FGD3: variants seen among roughly 807,000 people sequenced by gnomAD.
The protein encoded by FGD3 is FYVE, RhoGEF and PH domain containing 3, also known as FYVE, RhoGEF and PH domain-containing protein 3.
Under a neutral mutation model 71.8 loss-of-function variants are expected in FGD3, and 45 were observed. That is an observed-to-expected ratio of 0.63 (90% CI 0.49 to 0.80). The LOEUF is 0.80. Ranked by LOEUF, FGD3 falls within the 30% of genes least tolerant of loss-of-function variation. The pLI is 0.00. For missense variants in FGD3, 844 were observed against 951.5 expected, an observed-to-expected ratio of 0.89 and a Z score of 1.49; for synonymous variants, 378 against 392.8, an observed-to-expected ratio of 0.96 and a Z score of 0.44.
At chr9:92,993,087 T>G (rs796520581) in intron 3 of FGD3, among the ~76,000 whole-genome samples, 21 of 152,262 alleles carry the variant, frequency 1.4e-4, no homozygotes, top group African/African-American at 5.1e-4. Context: ...TTTCTTGGGA[T>G]GAGGGGAGGA....
intron 1 of FGD3, among the ~76,000 whole-genome samples, chr9:92,959,840 C>T (rs778696807): frequency 6.6e-6 from 1 of 151,472 alleles, no homozygotes; most frequent in Non-Finnish European, 1.5e-5. Flanking sequence ...GTCCTTGTGT[C>T]CCCATGCCCC....
chr9:92,962,476 AGCCAAGACTCCAGG>A (rs1859186476), intron 1 of FGD3, among the ~76,000 whole-genome samples: 1 of 152,206 alleles, frequency 6.6e-6, no homozygotes, highest in Non-Finnish European at 1.5e-5. Flanking sequence ...AGGGGGCAGG[AGCCAAGACTCCAGG>A]GCCCCGGCAT....
chr9:93,032,690 C>T, intron 15 of FGD3, 79 bp from the exon 16 acceptor site: 1 of 1,181,484 alleles, frequency 8.5e-7, no homozygotes. Flanking sequence ...ACCTCCCGCC[C>T]ACTCTACCTC....
intron 1 of FGD3, among the ~76,000 whole-genome samples, chr9:92,963,244 C>T (rs75384874): frequency 0.045 from 6,865 of 152,254 alleles, 240 homozygotes; most frequent in East Asian, 0.15. Flanking sequence ...AGGGCACCTG[C>T]GGCAGCACCT....
chr9:93,029,537 C>A (rs891281727), intron 14 of FGD3, among the ~76,000 whole-genome samples: 8 of 152,248 alleles, frequency 5.3e-5, no homozygotes, highest in Admixed American at 3.3e-4. Flanking sequence ...GCCCACTGCC[C>A]ACCCTAGTAA....
At chr9:92,979,624 G>A (rs1859908260) in intron 3 of FGD3, among the ~76,000 whole-genome samples, 2 of 152,140 alleles carry the variant, frequency 1.3e-5, no homozygotes, top group Admixed American at 1.3e-4. Flanking sequence ...CTTATTGAAT[G>A]AGCTGGAAGT....
intron 14 of FGD3, among the ~76,000 whole-genome samples, chr9:93,024,265 A>C (rs1278980276): frequency 6.6e-6 from 1 of 152,256 alleles, no homozygotes; most frequent in Non-Finnish European, 1.5e-5. Context: ...AGCTGCCCAC[A>C]GTGGACACAC....
chr9:93,027,603 T>C (rs996258565), intron 14 of FGD3, among the ~76,000 whole-genome samples: 1 of 152,156 alleles, frequency 6.6e-6, no homozygotes, highest in African/African-American at 2.4e-5. Flanking sequence ...ACATACGAAT[T>C]TGGGGGGACA....
intron 1 of FGD3, among the ~76,000 whole-genome samples, chr9:92,972,726 C>T (rs1859582223): frequency 6.6e-6 from 1 of 152,110 alleles, no homozygotes; most frequent in African/African-American, 2.4e-5. Flanking sequence ...ACTCTGATCA[C>T]ACATGTATTA....
chr9:92,964,526 T>A (rs1014951025), intron 1 of FGD3, among the ~76,000 whole-genome samples: 1 of 152,188 alleles, frequency 6.6e-6, no homozygotes, highest in Admixed American at 6.5e-5. Context: ...TGTTCTGTTG[T>A]CTTTCTCTGG....
intron 3 of FGD3, among the ~76,000 whole-genome samples, chr9:92,985,397 G>A (rs1319476949): frequency 6.6e-6 from 1 of 152,222 alleles, no homozygotes; most frequent in Non-Finnish European, 1.5e-5. Flanking sequence ...TTCTGAGGCT[G>A]ACTTTTGTTA....
chr9:93,034,988 C>T (rs952539840), intron 17 of FGD3, among the ~76,000 whole-genome samples: 8 of 152,286 alleles, frequency 5.3e-5, no homozygotes, highest in East Asian at 1.9e-4. Flanking sequence ...AGCCCTGGCC[C>T]GGCCCCTTGG....
intron 3 of FGD3, among the ~76,000 whole-genome samples, chr9:92,987,020 A>C (rs372444887): frequency 4.0e-4 from 61 of 152,370 alleles, no homozygotes; most frequent in African/African-American, 1.3e-3. Context: ...GAAAACAAAG[A>C]GGCAGACTTG....
At chr9:92,971,745 TG>T (rs1287399441) in intron 1 of FGD3, among the ~76,000 whole-genome samples, 3 of 151,282 alleles carry the variant, frequency 2.0e-5, no homozygotes, top group Non-Finnish European at 4.4e-5. Context: ...CTGGCTAGGG[TG>T]GGATTTTTCT....
intron 11 of FGD3, 113 bp from the exon 12 acceptor site, chr9:93,019,718 C>T: frequency 9.8e-7 from 1 of 1,017,498 alleles, no homozygotes; most frequent in Non-Finnish European, 1.5e-6. Context: ...AATCCTTGAG[C>T]TGCGTTGACA....
chr9:93,000,090 T>A (rs1860807407), intron 3 of FGD3, among the ~76,000 whole-genome samples: 1 of 152,098 alleles, frequency 6.6e-6, no homozygotes, highest in African/African-American at 2.4e-5. Flanking sequence ...TCTTTCTCAT[T>A]TCCTTTTTTA....
intron 3 of FGD3, among the ~76,000 whole-genome samples, chr9:92,992,790 G>T (rs926457744): frequency 6.6e-6 from 1 of 152,204 alleles, no homozygotes; most frequent in Admixed American, 6.5e-5. Context: ...GGGGGGTGGG[G>T]TGTGTACACT....
rs896175004 is a variant in FGD3, at chr9:93,022,328, T to C, written c.1496T>C (p.Ile499Thr). 4.3e-6 allele frequency: 7 copies of C among 1,611,340 alleles called. No homozygotes were observed. The African/African-American group carries it at 9.3e-5, about 22-fold the overall frequency. The change falls in exon 14 of 18, where the codon ATC becomes ACC. Residue 499 changes from isoleucine to threonine, a missense_variant and splice_region_variant. Physicochemically the swap from Ile to Thr is moderately conservative, Grantham distance 89 (BLOSUM62 -1). Transcript: ENST00000375482. ...ACTCGGCCTCTGTGTCCCTTCTAGATCACGAGCACCAGCCCTGTGGAGCCT... is the reference window on the plus strand; with the variant it reads ...ACTCGGCCTCTGTGTCCCTTCTAGACCACGAGCACCAGCCCTGTGGAGCCT... ...EDPSLSPDMP[I>T]TSTSPVEPVV...
At chr9:92,987,886 C>G (rs1860251387) in intron 3 of FGD3, among the ~76,000 whole-genome samples, 1 of 152,198 alleles carries the variant, frequency 6.6e-6, no homozygotes, top group African/African-American at 2.4e-5. Flanking sequence ...GTCCATTTAT[C>G]CAACTCTTGA....
Sources: gnomAD v4.1 joint callset for allele counts (sites outside exome capture counted in the v4.1 genomes callset) on GRCh38, gnomAD v4.1.1 for gene constraint, MANE v1.5 for transcripts, NCBI Gene and HGNC (gene_info 2026-07-23, HGNC 2026-07-21) for gene names.